Variants in ATP8A1 observed in about 807,000 individuals in gnomAD.
ATP8A1 encodes ATPase phospholipid transporting 8A1.
A neutral mutation model predicts 177.7 loss-of-function variants in ATP8A1; 90 were observed. That is an observed-to-expected ratio of 0.51 (90% CI 0.43 to 0.60). The LOEUF is 0.60. Ranked by LOEUF, ATP8A1 falls within the 20% of genes least tolerant of loss-of-function variation. ATP8A1 has a pLI of 0.00. For missense variants in ATP8A1, 1,072 were observed against 1,392.8 expected (o/e 0.77, Z 3.67); for synonymous variants, 493 against 485.9 (o/e 1.01, Z -0.19).
Position 42,627,004 on chromosome 4 carries a change from T to A in ATP8A1, c.155A>T (p.Asn52Ile). Residue 52 changes from asparagine (N) to isoleucine (I), a missense_variant, in exon 2 of 37, where the codon AAC becomes ATC. This residue lies in a region of ATP8A1 where 344 missense variants were observed against 393.5 expected (regional missense o/e 0.87). Transcript: ENST00000381668. ...NQPQLTKFCN[N>I]HVSTAKYNII... The stretch of plus-strand genomic sequence containing the variant: ...CTTTGGTAGTTCTTACCTGACATGG[T>A]TATTGCAGAATTTTGTCAGCTGGGG... 1 of 1,613,774 alleles carries A rather than the reference T, an allele frequency of 6.2e-7. No individual in the cohort carries two copies. Among genetic ancestry groups the A allele is most frequent in the Non-Finnish European group, 8.5e-7 (1 of 1,179,654 alleles).
chr4:42,448,643 C>T (rs1717570687), intron 30 of ATP8A1, among the ~76,000 whole-genome samples: 1 of 151,058 alleles, frequency 6.6e-6, no homozygotes, highest in Non-Finnish European at 1.5e-5. Context: ...AGTGGTCCAC[C>T]CACCTTGGGC....
intron 27 of ATP8A1, among the ~76,000 whole-genome samples, chr4:42,463,712 A>G (rs1053132080): frequency 2.0e-5 from 3 of 152,234 alleles, no homozygotes; most frequent in Non-Finnish European, 2.9e-5. Context: ...TTTTAAAATG[A>G]TGTTATGTTT....
At chr4:42,603,652 T>G (rs1735516798) in intron 5 of ATP8A1, among the ~76,000 whole-genome samples, 3 of 152,254 alleles carry the variant, frequency 2.0e-5, no homozygotes, top group African/African-American at 7.2e-5. Flanking sequence ...AAAAACTTCC[T>G]GTTGATTTTA....
chr4:42,576,732 A>G (rs1406982809), intron 12 of ATP8A1, among the ~76,000 whole-genome samples: 4 of 152,120 alleles, frequency 2.6e-5, no homozygotes, highest in Non-Finnish European at 4.4e-5. Flanking sequence ...TAGGTTATTG[A>G]GTTTTATGTG....
At chr4:42,558,067 A>AAAAAC (rs1730434023) in intron 15 of ATP8A1, among the ~76,000 whole-genome samples, 1 of 148,664 alleles carries the variant, frequency 6.7e-6, no homozygotes, top group Admixed American at 6.7e-5. Context: ...AAAACAAAAA[A>AAAAAC]ACCAGAAACA....
intron 6 of ATP8A1, among the ~76,000 whole-genome samples, chr4:42,597,471 TCTTG>T (rs1426096796): frequency 6.6e-6 from 1 of 152,192 alleles, no homozygotes; most frequent in Non-Finnish European, 1.5e-5. Context: ...CCCTTACTTG[TCTTG>T]CTTGCTGCTT....
rs1284217086 is a variant in ATP8A1, at chr4:42,408,501, T to C, written c.*4415A>G. ...ACATAACACTGCATAGAAATAATAT[T>C]ACTCAATTTTAATAACTATAAAACA... On this transcript the variant is annotated 3_prime_UTR_variant, in exon 37 of 37. Transcript: ENST00000381668. The C allele has an allele frequency of 1.8e-4, 27 of 152,198 alleles. No individual in the cohort carries two copies. The highest frequency in any genetic ancestry group is 1.8e-3 in the Admixed American group (27 of 15,268). 9.4% of individuals were successfully genotyped at this position (152,198 alleles called of 1,614,324 possible).
intron 30 of ATP8A1, among the ~76,000 whole-genome samples, chr4:42,448,392 C>CTTTTTTTTTT (rs1577952776): frequency 5.0e-5 from 1 of 19,934 alleles, no homozygotes; most frequent in East Asian, 2.4e-3. Flanking sequence ...CCCTCCTTCT[C>CTTTTTTTTTT]TTTCTTTTCT....
chr4:42,516,408 A>G (rs1304072843), intron 22 of ATP8A1, among the ~76,000 whole-genome samples: 1 of 152,222 alleles, frequency 6.6e-6, no homozygotes, highest in East Asian at 1.9e-4. Flanking sequence ...TAAAAAAAAA[A>G]GTTTCCCAAT....
chr4:42,607,463 T>A (rs1370296141), intron 5 of ATP8A1, among the ~76,000 whole-genome samples: 1 of 152,140 alleles, frequency 6.6e-6, no homozygotes, highest in African/African-American at 2.4e-5. Flanking sequence ...CACCACCACA[T>A]GTATTATGCT....
chr4:42,588,146 G>T, intron 8 of ATP8A1, 114 bp downstream of exon 8: 1 of 772,428 alleles, frequency 1.3e-6, no homozygotes, highest in Non-Finnish European at 2.0e-6. Flanking sequence ...TGGTTCCATG[G>T]GAACATATTT....
At chr4:42,482,393 C>A (rs1721781898) in intron 25 of ATP8A1, among the ~76,000 whole-genome samples, 1 of 151,568 alleles carries the variant, frequency 6.6e-6, no homozygotes, top group Admixed American at 6.6e-5. Context: ...AGGTTTCATT[C>A]CACTTCTTGG....
intron 1 of ATP8A1, among the ~76,000 whole-genome samples, chr4:42,656,219 G>C (rs1310105546): frequency 6.6e-6 from 1 of 152,222 alleles, no homozygotes; most frequent in East Asian, 1.9e-4. Context: ...AGTCAGCTCA[G>C]CTGGCCGAAG....
intron 20 of ATP8A1, among the ~76,000 whole-genome samples, chr4:42,536,815 C>G (rs1393816104): frequency 6.6e-6 from 1 of 152,080 alleles, no homozygotes; most frequent in African/African-American, 2.4e-5. Flanking sequence ...ATGTGACACA[C>G]CACATAAACA....
At chr4:42,647,664 C>T (rs970402863) in intron 1 of ATP8A1, among the ~76,000 whole-genome samples, 21 of 151,764 alleles carry the variant, frequency 1.4e-4, no homozygotes, top group African/African-American at 4.8e-4. Flanking sequence ...TTGTGGCTCA[C>T]GTTTTATTTC....
At chr4:42,436,770 G>A (rs1716046883) in intron 33 of ATP8A1, among the ~76,000 whole-genome samples, 2 of 152,140 alleles carry the variant, frequency 1.3e-5, no homozygotes, top group Non-Finnish European at 2.9e-5. Context: ...AGCAACAAGG[G>A]TTGGTCTTAA....
intron 1 of ATP8A1, among the ~76,000 whole-genome samples, chr4:42,655,079 T>C (rs1464660230): frequency 6.6e-6 from 1 of 152,232 alleles, no homozygotes; most frequent in Non-Finnish European, 1.5e-5. Context: ...AGCACCACTA[T>C]GGCCCTGACA....
At chr4:42,516,707 GAAGA>G (rs1725573129) in intron 22 of ATP8A1, among the ~76,000 whole-genome samples, 2 of 152,114 alleles carry the variant, frequency 1.3e-5, no homozygotes, top group South Asian at 4.1e-4. Flanking sequence ...ATAAAATAAG[GAAGA>G]AAGACCAGAG....
intron 33 of ATP8A1, among the ~76,000 whole-genome samples, chr4:42,442,800 T>A (rs1716773972): frequency 6.6e-6 from 1 of 152,224 alleles, no homozygotes; most frequent in African/African-American, 2.4e-5. Context: ...GGTAAAACAA[T>A]GTACTGTCAC....
Sources: gnomAD v4.1 joint callset for allele counts (sites outside exome capture counted in the v4.1 genomes callset) on GRCh38, gnomAD v4.1.1 for gene constraint, gnomAD v4.1.1 regional missense constraint, MANE v1.5 for transcripts, NCBI Gene and HGNC (gene_info 2026-07-23, HGNC 2026-07-21) for gene names.